BAZ2B: variants seen among roughly 807,000 people sequenced by gnomAD.
BAZ2B encodes the protein bromodomain adjacent to zinc finger domain protein 2B.
Under a neutral mutation model 246.0 loss-of-function variants are expected in BAZ2B, and 91 were observed. That is an observed-to-expected ratio of 0.37 (90% confidence interval 0.31 to 0.44). BAZ2B has a LOEUF of 0.44. BAZ2B is among the 20% of genes least tolerant of loss of function. The pLI is 1.00. For synonymous variants in BAZ2B, 855 were observed against 860.0 expected, an observed-to-expected ratio of 0.99 and a Z score of 0.10; for missense variants, 2,332 against 2,533.7, an observed-to-expected ratio of 0.92 and a Z score of 1.71.
chr2:159,328,185 G>A (rs536025781), intron 34 of BAZ2B, among the ~76,000 whole-genome samples: 2 of 151,874 alleles, frequency 1.3e-5, no homozygotes, highest in South Asian at 2.1e-4. Flanking sequence ...ATTAGATAGT[G>A]CACCTACACA....
At chr2:159,399,816 C>T (rs994704966) in intron 17 of BAZ2B, among the ~76,000 whole-genome samples, 4 of 152,042 alleles carry the variant, frequency 2.6e-5, no homozygotes, top group African/African-American at 4.8e-5. Context: ...TAAATTTAAA[C>T]ATGAAAAGTT....
At chr2:159,340,254 G>GA (rs201111354) in intron 31 of BAZ2B, among the ~76,000 whole-genome samples, 472 of 151,644 alleles carry the variant, frequency 3.1e-3, no homozygotes, top group African/African-American at 0.01. Flanking sequence ...AAAGAAAAAG[G>GA]AAAAAAAGAA....
intron 8 of BAZ2B, 74 bp downstream of exon 8, chr2:159,438,229 T>A: frequency 7.6e-7 from 1 of 1,312,584 alleles, no homozygotes; most frequent in Admixed American, 2.5e-5. Flanking sequence ...CTTAAACTTG[T>A]GTATTGTAAG....
chr2:159,537,948 T>C (rs1273581978), intron 2 of BAZ2B, among the ~76,000 whole-genome samples: 1 of 152,212 alleles, frequency 6.6e-6, no homozygotes, highest in East Asian at 1.9e-4. Flanking sequence ...AATTGTCTTC[T>C]GTAGGAAGAG....
the BAZ2B span, chr2:159,694,957 C>CT: frequency 6.6e-6 from 1 of 152,198 alleles, no homozygotes; most frequent in Non-Finnish European, 1.5e-5. Flanking sequence ...CAGGTACCAA[C>CT]TTTCTACATC....
chr2:159,389,900 C>A (rs974675079), intron 20 of BAZ2B, among the ~76,000 whole-genome samples: 3 of 151,610 alleles, frequency 2.0e-5, no homozygotes, highest in African/African-American at 7.3e-5. Context: ...TAAGACAGCA[C>A]CTGTGAGGAA....
intron 8 of BAZ2B, chr2:159,434,487 TATG>T (rs2071812572): frequency 6.6e-6 from 1 of 152,106 alleles, no homozygotes; most frequent in African/African-American, 2.4e-5. Flanking sequence ...TTGGTGACTA[TATG>T]TACTCTTATG....
intron 2 of BAZ2B, among the ~76,000 whole-genome samples, chr2:159,551,421 A>G (rs1578296990): frequency 1.3e-5 from 2 of 148,924 alleles, no homozygotes; most frequent in African/African-American, 5.0e-5. Flanking sequence ...GTGGGCCAAG[A>G]CTACACCACT....
chr2:159,478,521 T>G (rs2078883895), intron 3 of BAZ2B, 54 bp downstream of exon 3: 2 of 1,522,624 alleles, frequency 1.3e-6, no homozygotes. Flanking sequence ...TAAAATATTA[T>G]GCAAATTATT....
chr2:159,446,620 T>G (rs925217046), intron 6 of BAZ2B, among the ~76,000 whole-genome samples, 162 bp downstream of exon 6: 1 of 152,246 alleles, frequency 6.6e-6, no homozygotes, highest in African/African-American at 2.4e-5. Context: ...TATTACTATT[T>G]GTATTATTTA....
intron 13 of BAZ2B, among the ~76,000 whole-genome samples, chr2:159,423,151 T>C (rs1233265581): frequency 6.6e-6 from 1 of 152,070 alleles, no homozygotes; most frequent in Non-Finnish European, 1.5e-5. Flanking sequence ...CTGTCTCTAC[T>C]GAAAACACAA....
intron 4 of BAZ2B, among the ~76,000 whole-genome samples, chr2:159,449,962 G>C (rs1017672435): frequency 1.3e-5 from 2 of 152,102 alleles, no homozygotes; most frequent in South Asian, 2.1e-4. Flanking sequence ...TTTGAGGCCA[G>C]GAATTTGAGA....
chr2:159,707,398 T>A, the BAZ2B span, among the ~76,000 whole-genome samples: 24 of 151,656 alleles, frequency 1.6e-4, no homozygotes, highest in Middle Eastern at 3.4e-3. Context: ...AAAAAATAAT[T>A]ATAATAATAA....
chr2:159,404,078 A>G (rs80267834), intron 16 of BAZ2B, among the ~76,000 whole-genome samples: 2,214 of 152,244 alleles, frequency 0.015, 61 homozygotes, highest in East Asian at 0.091. Flanking sequence ...TAGTAACATA[A>G]TTGATTTCAT....
chr2:159,337,481 C>T (rs7559010), intron 32 of BAZ2B, 86 bp downstream of exon 32: 34,145 of 1,610,894 alleles, frequency 0.021, 935 homozygotes, highest in East Asian at 0.11. Flanking sequence ...TCACCACTAA[C>T]GGATGGTGCA....
intron 24 of BAZ2B, among the ~76,000 whole-genome samples, chr2:159,383,235 C>T (rs376968862): frequency 1.3e-5 from 2 of 152,052 alleles, no homozygotes; most frequent in African/African-American, 4.8e-5. Flanking sequence ...TAGCTAGATT[C>T]CGTAAAAGCA....
intron 2 of BAZ2B, among the ~76,000 whole-genome samples, chr2:159,486,054 G>T (rs369798633): frequency 6.6e-6 from 1 of 152,008 alleles, no homozygotes; most frequent in South Asian, 2.1e-4. Flanking sequence ...TTATGAAAAA[G>T]ATATAAAAGA....
chr2:159,341,832 A>G (rs370079084), intron 31 of BAZ2B, among the ~76,000 whole-genome samples: 94 of 152,330 alleles, frequency 6.2e-4, no homozygotes, highest in African/African-American at 1.8e-3. Flanking sequence ...GAAAACAGAA[A>G]CACAACATTC....
At chr2:159,328,069 C>CAAAAAAAAAAAA (rs1558959778) in intron 34 of BAZ2B, among the ~76,000 whole-genome samples, 3 of 111,524 alleles carry the variant, frequency 2.7e-5, no homozygotes, top group Admixed American at 8.8e-5. Context: ...AGCCTCAAAA[C>CAAAAAAAAAAAA]GAAAAAAAAA....
Sources: gnomAD v4.1 joint callset for allele counts (sites outside exome capture counted in the v4.1 genomes callset) on GRCh38, gnomAD v4.1.1 for gene constraint, MANE v1.5 for transcripts, NCBI Gene and HGNC (gene_info 2026-07-23, HGNC 2026-07-21) for gene names.